BEND6: variants seen among roughly 807,000 people sequenced by gnomAD.
BEND6 encodes the protein BEN domain-containing protein 6.
Under a neutral mutation model 31.8 loss-of-function variants are expected in BEND6, and 24 were observed. The ratio of observed to expected loss-of-function variants is 0.75; its 90% CI spans 0.55 to 1.06. The LOEUF is 1.06. BEND6 is among the 50% of genes least tolerant of loss of function. The pLI is 0.00. For missense variants in BEND6, 294 were observed against 327.4 expected, an observed-to-expected ratio of 0.90 and a Z score of 0.79; for synonymous variants, 109 against 114.6, an observed-to-expected ratio of 0.95 and a Z score of 0.31.
intron 1 of BEND6, among the ~76,000 whole-genome samples, chr6:56,959,890 A>G (rs1039627977): frequency 6.6e-6 from 1 of 152,142 alleles, no homozygotes; most frequent in Non-Finnish European, 1.5e-5. Flanking sequence ...TTGTTGTTCT[A>G]TGGGTTACCA....
intron 3 of BEND6, chr6:57,004,930 A>C (rs772157172): frequency 3.8e-6 from 2 of 531,490 alleles, no homozygotes; most frequent in Admixed American, 3.1e-5. Flanking sequence ...AGAGAGCTAC[A>C]TTGTCAGATT....
chr6:56,984,314 G>A (rs192997766), intron 2 of BEND6, among the ~76,000 whole-genome samples: 2 of 152,162 alleles, frequency 1.3e-5, no homozygotes, highest in Admixed American at 1.3e-4. Flanking sequence ...TACCTTGTAA[G>A]TTATATGTTT....
At chr6:56,974,194 T>C (rs1004135047) in intron 1 of BEND6, among the ~76,000 whole-genome samples, 18 of 152,102 alleles carry the variant, frequency 1.2e-4, no homozygotes, top group African/African-American at 4.3e-4. Context: ...CGGTAATATG[T>C]GCGGTAATGT....
At position 56,992,407 on chromosome 6, in the gene BEND6, G is replaced by T; in HGVS notation, c.150G>T (p.Leu50=). The change falls in exon 3 of 7, where the codon CTG becomes CTT. Residue 50 remains leucine (L), a synonymous_variant. Coordinates refer to ENST00000370746, the MANE Select transcript of BEND6 (RefSeq NM_152731.3). ...QRDPYSGNAF[L]PGESSSEDEE... is the part of the protein sequence containing the mutation. The stretch of plus-strand genomic sequence containing the variant: ...ACCCATATTCGGGAAATGCCTTTCT[G>T]CCTGGTGAAAGCTCCAGTGAGGATG... The T allele has an allele frequency of 6.2e-7, 1 of 1,611,590 alleles. No individual in the cohort carries two copies. Among genetic ancestry groups the T allele is most frequent in the Non-Finnish European group, 8.5e-7 (1 of 1,179,484 alleles).
At chr6:56,962,943 T>C (rs1262560313) in intron 1 of BEND6, among the ~76,000 whole-genome samples, 1 of 152,210 alleles carries the variant, frequency 6.6e-6, no homozygotes, top group African/African-American at 2.4e-5. Context: ...TACTCTCTGC[T>C]AAATGCTTTA....
chr6:56,969,448 C>T (rs1391809895), intron 1 of BEND6, among the ~76,000 whole-genome samples: 2 of 152,152 alleles, frequency 1.3e-5, no homozygotes, highest in Admixed American at 6.5e-5. Flanking sequence ...ACTAGTTTCC[C>T]GCCACTTTTG....
intron 3 of BEND6, chr6:57,008,805 A>T (rs1462532422): frequency 6.6e-6 from 1 of 152,644 alleles, no homozygotes; most frequent in Non-Finnish European, 1.5e-5. Flanking sequence ...ACTCTAATAC[A>T]CTGTGGGTAT....
chr6:56,968,307 CTTTTCTTTTTTTTTTTTTTT>C (rs1825559151), intron 1 of BEND6, among the ~76,000 whole-genome samples: 1 of 106,494 alleles, frequency 9.4e-6, no homozygotes, highest in Non-Finnish European at 1.9e-5. Context: ...TTCTTTCTTT[CTTTTCTTTTTTTTTTTTTTT>C]TTTTTTTTTT....
At chr6:57,002,139 G>T (rs1345839549) in intron 3 of BEND6, among the ~76,000 whole-genome samples, 1 of 152,140 alleles carries the variant, frequency 6.6e-6, no homozygotes, top group Non-Finnish European at 1.5e-5. Context: ...ATGATAAAAG[G>T]TTCAATTAAA....
At chr6:56,978,305 A>G (rs1206188837) in intron 1 of BEND6, among the ~76,000 whole-genome samples, 1 of 151,982 alleles carries the variant, frequency 6.6e-6, no homozygotes, top group African/African-American at 2.4e-5. Flanking sequence ...ATAAAATAAA[A>G]TATACAATTA....
At chr6:56,976,047 C>T (rs913213795) in intron 1 of BEND6, 42 of 422,362 alleles carry the variant, frequency 9.9e-5, no homozygotes, top group Non-Finnish European at 1.6e-4. Context: ...GAACAGGACA[C>T]GATACAAAGT....
chr6:56,980,951 A>AT (rs1360976253), intron 1 of BEND6, among the ~76,000 whole-genome samples: 1 of 152,160 alleles, frequency 6.6e-6, no homozygotes, highest in Non-Finnish European at 1.5e-5. Flanking sequence ...AAATTTCATC[A>AT]TTTAACATCA....
intron 3 of BEND6, among the ~76,000 whole-genome samples, chr6:57,005,253 T>C (rs1827112672): frequency 1.3e-5 from 2 of 152,114 alleles, no homozygotes; most frequent in South Asian, 4.1e-4. Flanking sequence ...GCTATATTCC[T>C]GAAAGAAAAA....
chr6:56,963,972 TTAA>T lies in BEND6; in HGVS notation c.-101+8518_-101+8520del, dbSNP rs369630428. Among the ~76,000 whole-genome samples the T allele has an allele frequency of 6.3e-3, 926 of 147,660 alleles. 8 individuals are homozygous for T. Among genetic ancestry groups the T allele is most frequent in the African/African-American group, 0.021 (870 of 40,774 alleles). On this transcript the variant is annotated intron_variant, in intron 1 of 6. Coordinates refer to ENST00000370746, the MANE Select transcript of BEND6 (RefSeq NM_152731.3). ...AATATTGATATAATTATATTGTTAA[TTAA>T]TAATATAAATAATTATTGTTATAAA... is the stretch of plus-strand genomic sequence containing the variant.
At chr6:56,968,047 G>A (rs989815528) in intron 1 of BEND6, among the ~76,000 whole-genome samples, 7 of 152,092 alleles carry the variant, frequency 4.6e-5, no homozygotes, top group Non-Finnish European at 8.8e-5. Flanking sequence ...AAGTGAAGGA[G>A]GCAGAATTGG....
chr6:57,016,891 A>G (rs1223219846), intron 4 of BEND6, among the ~76,000 whole-genome samples: 4 of 152,124 alleles, frequency 2.6e-5, no homozygotes, highest in Non-Finnish European at 5.9e-5. Context: ...TGCCTACTAC[A>G]TTTACGATGA....
At chr6:56,962,277 A>C (rs1825318490) in intron 1 of BEND6, among the ~76,000 whole-genome samples, 1 of 152,230 alleles carries the variant, frequency 6.6e-6, no homozygotes, top group Admixed American at 6.5e-5. Context: ...AGCACAAAAC[A>C]GACCAAGACA....
chr6:56,974,478 T>C (rs891170436), intron 1 of BEND6, among the ~76,000 whole-genome samples: 1 of 152,226 alleles, frequency 6.6e-6, no homozygotes, highest in Non-Finnish European at 1.5e-5. Context: ...ACTTGAAGTA[T>C]CAGTGTTCAT....
intron 1 of BEND6, among the ~76,000 whole-genome samples, chr6:56,962,237 ATTACTAAGCC>A (rs996365260): frequency 6.6e-6 from 1 of 152,188 alleles, no homozygotes; most frequent in Non-Finnish European, 1.5e-5. Flanking sequence ...TTCATTATGA[ATTACTAAGCC>A]TGTGGTATTC....
Sources: gnomAD v4.1 joint callset for allele counts (sites outside exome capture counted in the v4.1 genomes callset) on GRCh38, gnomAD v4.1.1 for gene constraint, MANE v1.5 for transcripts, NCBI Gene and HGNC (gene_info 2026-07-23, HGNC 2026-07-21) for gene names.